The following THSD7A variants were observed in gnomAD, a reference collection of about 807,000 sequenced individuals.
The protein encoded by THSD7A is thrombospondin type 1 domain containing 7A, also known as thrombospondin type-1 domain-containing protein 7A.
A neutral mutation model predicts 231.3 loss-of-function variants in THSD7A; 96 were observed. That is an observed-to-expected ratio of 0.41 (90% CI 0.35 to 0.49). The LOEUF (loss-of-function observed/expected upper bound fraction) is 0.49, where lower values mean the gene tolerates loss of function less well. THSD7A is among the 20% of genes least tolerant of loss of function. The pLI, the probability that THSD7A is intolerant of heterozygous loss-of-function variation, is 0.05. For synonymous variants in THSD7A, 940 were observed against 743.3 expected, an observed-to-expected ratio of 1.26 and a Z score of -4.30; for missense variants, 2,290 against 2,070.2, an observed-to-expected ratio of 1.11 and a Z score of -2.06.
At chr7:11,795,841 C>T (rs756746125) in intron 1 of THSD7A, among the ~76,000 whole-genome samples, 7 of 151,304 alleles carry the variant, frequency 4.6e-5, no homozygotes, top group Non-Finnish European at 8.8e-5. Flanking sequence ...CAAGGAAGAT[C>T]CAAGCGAGGA....
intron 1 of THSD7A, among the ~76,000 whole-genome samples, chr7:11,672,762 A>G (rs934282768): frequency 6.6e-6 from 1 of 152,194 alleles, no homozygotes; most frequent in Non-Finnish European, 1.5e-5. Context: ...GCATAAGGAA[A>G]TATGTGAACT....
chr7:11,821,364 T>A, intron 1 of THSD7A: 1 of 614,208 alleles, frequency 1.6e-6, no homozygotes, highest in South Asian at 1.7e-5. Flanking sequence ...TTTGATGACT[T>A]TTTATCTCTT....
intron 1 of THSD7A, among the ~76,000 whole-genome samples, chr7:11,662,903 A>C (rs771956274): frequency 1.3e-5 from 2 of 151,488 alleles, no homozygotes; most frequent in Non-Finnish European, 3.0e-5. Context: ...TTGTGACATA[A>C]AGCTAGAATA....
chr7:11,811,116 T>C (rs1307782924), intron 1 of THSD7A, among the ~76,000 whole-genome samples: 2 of 152,206 alleles, frequency 1.3e-5, no homozygotes, highest in Non-Finnish European at 2.9e-5. Flanking sequence ...TTTATTAGTT[T>C]ACAATATTTT....
chr7:11,711,337 T>C (rs747070341), intron 1 of THSD7A, among the ~76,000 whole-genome samples: 19 of 150,926 alleles, frequency 1.3e-4, no homozygotes, highest in Non-Finnish European at 2.4e-4. Flanking sequence ...AGTTAAAATC[T>C]AGGCTCTGCC....
At chr7:11,819,517 A>G (rs1271512739) in intron 1 of THSD7A, among the ~76,000 whole-genome samples, 2 of 152,180 alleles carry the variant, frequency 1.3e-5, no homozygotes, top group Admixed American at 6.5e-5. Flanking sequence ...ACGAAAAGGC[A>G]TGTAGAAAAC....
At chr7:11,798,781 A>G (rs1463996598) in intron 1 of THSD7A, among the ~76,000 whole-genome samples, 1 of 152,178 alleles carries the variant, frequency 6.6e-6, no homozygotes, top group Non-Finnish European at 1.5e-5. Flanking sequence ...CAGATATATT[A>G]GATACATTCA....
intron 6 of THSD7A, among the ~76,000 whole-genome samples, chr7:11,509,603 C>A (rs1406573827): frequency 6.6e-6 from 1 of 151,406 alleles, no homozygotes; most frequent in African/African-American, 2.4e-5. Context: ...GAGGCCGAGG[C>A]GGGTGGATCA....
At chr7:11,813,539 C>T (rs4721015) in intron 1 of THSD7A, among the ~76,000 whole-genome samples, 31,697 of 151,566 alleles carry the variant, frequency 0.21, 3,809 homozygotes, top group Non-Finnish European at 0.28. Context: ...TGGTGAAACG[C>T]TGTCTCTACT....
At chr7:11,482,294 T>C (rs962472640) in intron 6 of THSD7A, among the ~76,000 whole-genome samples, 1 of 152,210 alleles carries the variant, frequency 6.6e-6, no homozygotes, top group Non-Finnish European at 1.5e-5. Flanking sequence ...ATACTTGTAC[T>C]CTTAAGTTGT....
At chr7:11,790,005 C>A (rs1583293310) in intron 1 of THSD7A, among the ~76,000 whole-genome samples, 1 of 151,888 alleles carries the variant, frequency 6.6e-6, no homozygotes, top group Non-Finnish European at 1.5e-5. Context: ...TAAAAATTCA[C>A]AGTAAAATAT....
At chr7:11,803,053 T>C (rs1220404058) in intron 1 of THSD7A, among the ~76,000 whole-genome samples, 1 of 152,136 alleles carries the variant, frequency 6.6e-6, no homozygotes, top group Non-Finnish European at 1.5e-5. Context: ...GCCAAGGGCA[T>C]ATGTAATAAG....
chr7:11,582,949 G>A (rs1041498278), intron 4 of THSD7A, among the ~76,000 whole-genome samples: 1 of 151,696 alleles, frequency 6.6e-6, no homozygotes, highest in African/African-American at 2.4e-5. Flanking sequence ...CACTTCTGGA[G>A]CATTTTCTCT....
chr7:11,763,000 C>G (rs1052141188), intron 1 of THSD7A, among the ~76,000 whole-genome samples: 1 of 152,098 alleles, frequency 6.6e-6, no homozygotes, highest in African/African-American at 2.4e-5. Flanking sequence ...CCAAACAATC[C>G]TAAGCAAACA....
chr7:11,385,308 C>G (rs929839852), intron 23 of THSD7A: 1 of 151,948 alleles, frequency 6.6e-6, no homozygotes, highest in Non-Finnish European at 1.5e-5. Context: ...TGGCTGGAAC[C>G]TCCTTCACTA....
chr7:11,575,483 T>C (rs879291540), intron 4 of THSD7A, among the ~76,000 whole-genome samples: 3 of 152,228 alleles, frequency 2.0e-5, no homozygotes, highest in Non-Finnish European at 2.9e-5. Context: ...GTCAAGCCTT[T>C]CAATTTCCAT....
intron 16 of THSD7A, among the ~76,000 whole-genome samples, chr7:11,420,965 T>G (rs2115406334): frequency 6.6e-6 from 1 of 152,268 alleles, no homozygotes; most frequent in African/African-American, 2.4e-5. Context: ...TATCTCCCAT[T>G]TGGAATGGGA....
At chr7:11,760,143 T>A (rs1485895669) in intron 1 of THSD7A, among the ~76,000 whole-genome samples, 1 of 151,994 alleles carries the variant, frequency 6.6e-6, no homozygotes, top group Admixed American at 6.6e-5. Flanking sequence ...ATATTTCCAA[T>A]AAAATGCCCA....
At chr7:11,667,533 T>C (rs1318416277) in intron 1 of THSD7A, among the ~76,000 whole-genome samples, 1 of 152,120 alleles carries the variant, frequency 6.6e-6, no homozygotes, top group African/African-American at 2.4e-5. Context: ...AAATTACTAT[T>C]AAAAAGTAGG....
Sources: allele counts gnomAD v4.1 joint callset (sites outside exome capture counted in the v4.1 genomes callset), GRCh38; gene constraint gnomAD v4.1.1; transcripts MANE v1.5; gene names NCBI Gene and HGNC (gene_info 2026-07-23, HGNC 2026-07-21).